VWA3A: variants seen among roughly 807,000 people sequenced by gnomAD.
VWA3A encodes von Willebrand factor A domain containing 3A.
In VWA3A, 134 loss-of-function variants were observed where a neutral mutation model predicts 160.4. That is an observed-to-expected ratio of 0.84 (90% CI 0.73 to 0.96). VWA3A has a LOEUF of 0.96. Among genes scored for constraint, VWA3A ranks in the 40% least tolerant of loss-of-function variants. VWA3A has a pLI of 0.00. For synonymous variants in VWA3A, 476 were observed against 543.4 expected (o/e 0.88, Z 1.72); for missense variants, 1,310 against 1,447.9 (o/e 0.90, Z 1.55).
chr16:22,114,132 G>A (rs554447091), intron 8 of VWA3A, among the ~76,000 whole-genome samples: 12 of 152,250 alleles, frequency 7.9e-5, no homozygotes, highest in African/African-American at 2.9e-4. Flanking sequence ...CTAGACCTGG[G>A]ACTTATTCTC....
intron 28 of VWA3A, among the ~76,000 whole-genome samples, chr16:22,149,266 G>T (rs2046306765): frequency 6.6e-6 from 1 of 152,120 alleles, no homozygotes; most frequent in African/African-American, 2.4e-5. Flanking sequence ...TTGAGACGGG[G>T]TCTCACTCTG....
intron 29 of VWA3A, 31 bp downstream of exon 29, chr16:22,149,962 G>T: frequency 1.3e-6 from 2 of 1,579,304 alleles, no homozygotes; most frequent in Non-Finnish European, 1.7e-6. Flanking sequence ...CGACCTTGAC[G>T]CAAAACAAAT....
At chr16:22,130,825 A>AT (rs1272054603) in intron 17 of VWA3A, among the ~76,000 whole-genome samples, 2 of 151,224 alleles carry the variant, frequency 1.3e-5, no homozygotes, top group East Asian at 1.9e-4. Context: ...CTAGAGGTAT[A>AT]TTTTTTTTCT....
At chr16:22,128,650 A>G (rs2045894040) in intron 17 of VWA3A, among the ~76,000 whole-genome samples, 1 of 152,240 alleles carries the variant, frequency 6.6e-6, no homozygotes, top group Non-Finnish European at 1.5e-5. Flanking sequence ...TTGCAGCACT[A>G]TTCACAATAG....
intron 1 of VWA3A, among the ~76,000 whole-genome samples, chr16:22,095,166 T>G (rs1045670068): frequency 6.6e-6 from 1 of 152,150 alleles, no homozygotes; most frequent in Non-Finnish European, 1.5e-5. Context: ...AAGAGCATGG[T>G]TCTATGAAAG....
chr16:22,100,374 C>A (rs755814804), intron 4 of VWA3A, 42 bp from the exon 5 acceptor site: 2 of 1,551,548 alleles, frequency 1.3e-6, no homozygotes, highest in Admixed American at 3.9e-5. Context: ...CATGCAACCC[C>A]CTGGGCCCGA....
intron 17 of VWA3A, among the ~76,000 whole-genome samples, chr16:22,129,462 A>G (rs1358548621): frequency 6.6e-6 from 1 of 151,964 alleles, no homozygotes; most frequent in Non-Finnish European, 1.5e-5. Flanking sequence ...GTTAGAATCT[A>G]CAGAATGTCA....
intron 13 of VWA3A, 30 bp from the exon 14 acceptor site, chr16:22,121,484 A>T: frequency 6.5e-7 from 1 of 1,545,032 alleles, no homozygotes; most frequent in South Asian, 1.1e-5. Flanking sequence ...CTTCTCAGGC[A>T]GTGCCTCCAA....
chr16:22,155,456 C>G (rs1160643558), intron 31 of VWA3A, 111 bp from the exon 32 acceptor site: 2 of 919,416 alleles, frequency 2.2e-6, no homozygotes, highest in Non-Finnish European at 3.5e-6. Context: ...ACAAGATTTC[C>G]TGCACTGGAT....
chr16:22,144,312 C>T lies in VWA3A; in HGVS notation c.2658C>T (p.Cys886=), dbSNP rs575011913. ...LEISRCMGPN[C]THQKSGQRSA... is the part of the protein sequence containing the mutation. ...TTTCCAGATGCATGGGTCCCAACTG[C>T]ACTCATCAAAAGTCAGGACAGAGGT... is the stretch of plus-strand genomic sequence containing the variant. Residue 886 remains cysteine (C), a synonymous_variant, in exon 26 of 34, where the codon TGC becomes TGT. Transcript: ENST00000389398. The T allele has an allele frequency of 7.4e-4, 1,195 of 1,613,926 alleles. 22 individuals carry two copies. The South Asian group carries it at 0.012, about 16-fold the overall frequency.
At chr16:22,112,675 G>A (rs1165371779) in intron 8 of VWA3A, among the ~76,000 whole-genome samples, 1 of 152,172 alleles carries the variant, frequency 6.6e-6, no homozygotes, top group Non-Finnish European at 1.5e-5. Flanking sequence ...GTGAGCTATG[G>A]TTGTGCTACT....
intron 5 of VWA3A, among the ~76,000 whole-genome samples, chr16:22,102,078 G>T (rs909551084): frequency 6.6e-6 from 1 of 152,100 alleles, no homozygotes; most frequent in African/African-American, 2.4e-5. Flanking sequence ...TCTTCAGCTG[G>T]GCACAAGTGG....
At chr16:22,142,621 G>T (rs1476774381) in intron 24 of VWA3A, 47 bp from the exon 25 acceptor site, 17 of 1,441,096 alleles carry the variant, frequency 1.2e-5, no homozygotes, top group Non-Finnish European at 1.6e-5. Context: ...GTTTGCAGGG[G>T]CTCAACCATC....
In VWA3A at chr16:22,109,483, C is replaced by T. The variant is rs1257127937; in HGVS notation, c.485C>T (p.Ala162Val). Residue 162 changes from alanine (A) to valine (V), a missense_variant and splice_region_variant, in exon 7 of 34, where the codon GCA becomes GTA. Ala to Val is a moderately conservative substitution (Grantham distance 64). Transcript: ENST00000389398. The stretch of plus-strand genomic sequence containing the variant: ...TCCAAATGCCCTCTTTGGTTTTAGG[C>T]ATTTGGCCTCATCAAAGGGGCCAGA... ...IQWLTENSKK[A>V]FGLIKGARVS... The T allele has an allele frequency of 1.3e-6, 2 of 1,593,422 alleles. No homozygotes were observed. Among genetic ancestry groups the T allele is most frequent in the Non-Finnish European group, 1.7e-6 (2 of 1,170,104 alleles).
At chr16:22,150,388 C>T (rs927487393) in intron 29 of VWA3A, among the ~76,000 whole-genome samples, 4 of 151,806 alleles carry the variant, frequency 2.6e-5, no homozygotes, top group African/African-American at 9.7e-5. Context: ...GCAACAAGAA[C>T]GAAACTCCAT....
chr16:22,131,676 C>G lies in VWA3A; in HGVS notation c.1819C>G (p.His607Asp), dbSNP rs538052193. ...VEVDFKDKDKHQSQGIYLFTG... is the reference protein window; with the variant it reads ...VEVDFKDKDKDQSQGIYLFTG... ...AGTAGACTTCAAGGACAAAGACAAA[C>G]ACCAATCGCAGGGAATCTACCTCTT... Residue 607 changes from histidine to aspartate, a missense_variant, in exon 19 of 34, where the codon CAC becomes GAC. Physicochemically the swap from His to Asp is moderately conservative, Grantham distance 81. Transcript: ENST00000389398. 9 of 1,613,872 alleles carry G rather than the reference C, an allele frequency of 5.6e-6. No individual in the cohort carries two copies. Among genetic ancestry groups the G allele is most frequent in the Non-Finnish European group, 7.6e-6 (9 of 1,179,874 alleles).
chr16:22,144,521 C>A, intron 26 of VWA3A, 137 bp downstream of exon 26: 1 of 1,276,690 alleles, frequency 7.8e-7, no homozygotes, highest in Non-Finnish European at 1.1e-6. Context: ...ACTCCCCTCA[C>A]CAAATAGGAG....
rs780296008 is a variant in VWA3A at position 22,126,190 on chromosome 16, G to T, written c.1545G>T (p.Leu515=). Residue 515 remains leucine (L), a synonymous_variant, in exon 17 of 34, where the codon CTG becomes CTT. Coordinates refer to ENST00000389398, the MANE Select transcript of VWA3A (RefSeq NM_173615.5). ...GTVCEKRVVV[L]LDISATNSMY... ...TGTTTCCTTTTAGGGTGGTTGTACT[G>T]CTCGATATCTCTGCGACCAATTCCA... 38 of 1,613,822 alleles carry T rather than the reference G, an allele frequency of 2.4e-5. No homozygotes were observed. The East Asian group carries it at 8.5e-4, about 36-fold the overall frequency.
intron 3 of VWA3A, 34 bp from the exon 4 acceptor site, chr16:22,100,160 A>T (rs752142691): frequency 8.6e-6 from 13 of 1,514,706 alleles, no homozygotes; most frequent in Non-Finnish European, 1.1e-5. Context: ...CTCTCTTTCC[A>T]CTTCACGGTT....
Sources: allele counts gnomAD v4.1 joint callset (sites outside exome capture counted in the v4.1 genomes callset), GRCh38; gene constraint gnomAD v4.1.1; transcripts MANE v1.5; gene names NCBI Gene and HGNC (gene_info 2026-07-23, HGNC 2026-07-21).